RNGTT: variants seen among roughly 807,000 people sequenced by gnomAD.
RNGTT encodes the protein RNA guanylyltransferase and 5'-phosphatase.
Under a neutral mutation model 79.3 loss-of-function variants are expected in RNGTT, and 33 were observed. The observed-to-expected ratio is 0.42, with a 90% CI of 0.32 to 0.56. The LOEUF (loss-of-function observed/expected upper bound fraction) is 0.56, where lower values mean the gene tolerates loss of function less well. RNGTT is among the 20% of genes least tolerant of loss of function. RNGTT has a pLI of 0.17. For synonymous variants in RNGTT, 222 were observed against 235.9 expected (o/e 0.94, Z 0.54); for missense variants, 497 against 739.1 (o/e 0.67, Z 3.80).
chr6:88,735,499 C>A (rs1293842535), intron 13 of RNGTT, among the ~76,000 whole-genome samples: 1 of 140,346 alleles, frequency 7.1e-6, no homozygotes, highest in Non-Finnish European at 1.5e-5. Context: ...AAGTCAGTAA[C>A]AGAAAGACGC....
chr6:88,950,531 T>A (rs1175224752), intron 1 of RNGTT, among the ~76,000 whole-genome samples: 1 of 152,224 alleles, frequency 6.6e-6, no homozygotes, highest in Non-Finnish European at 1.5e-5. Flanking sequence ...TATTCATGAT[T>A]CATAGGAGAA....
rs77914880 is a variant in RNGTT, at chr6:88,908,507, G to A, written c.368-2067C>T. Reference sequence around the variant, plus strand: ...CAAAGCAGACACAGTGTTTGAAGAGGGAAGAAGCGACGTAGACTGCTTGGA... The same window carrying A: ...CAAAGCAGACACAGTGTTTGAAGAGAGAAGAAGCGACGTAGACTGCTTGGA... On this transcript the variant is annotated intron_variant, in intron 4 of 15. Transcript: ENST00000369485. 4.5e-3 allele frequency among the ~76,000 whole-genome samples: 681 copies of A among 152,252 alleles called. 9 individuals are homozygous for A. The highest frequency in any genetic ancestry group is 0.016 in the African/African-American group (654 of 41,528).
chr6:88,942,495 C>T (rs183710516), intron 1 of RNGTT, among the ~76,000 whole-genome samples: 19 of 152,098 alleles, frequency 1.2e-4, no homozygotes, highest in African/African-American at 4.6e-4. Flanking sequence ...CTCAGCCCCC[C>T]AGTAGCTGGG....
chr6:88,634,203 ACT>A (rs1385949183), intron 14 of RNGTT, among the ~76,000 whole-genome samples: 3 of 152,138 alleles, frequency 2.0e-5, no homozygotes, highest in Non-Finnish European at 2.9e-5. Flanking sequence ...ATAAATATTA[ACT>A]CTTCACATTT....
Position 88,963,554 on chromosome 6 carries a change from C to G in RNGTT, c.-145G>C. On this transcript the variant is annotated 5_prime_UTR_variant, in exon 1 of 16. Transcript: ENST00000369485. ...ATTCCAACCTCTCCGATCCGGGTAA[C>G]GTCAGGGGCGGCGCGCCACTTTCAT... is the stretch of plus-strand genomic sequence containing the variant. 1.4e-6 allele frequency: 1 copy of G among 701,652 alleles called. No homozygotes were observed. The highest frequency in any genetic ancestry group is 3.8e-5 in the Admixed American group (1 of 26,330). The allele number at this position is 701,652 out of a possible 1,614,324, so 43.5% of individuals were successfully genotyped here.
At chr6:88,811,549 C>T (rs989757334) in intron 11 of RNGTT, among the ~76,000 whole-genome samples, 1 of 151,964 alleles carries the variant, frequency 6.6e-6, no homozygotes, top group Non-Finnish European at 1.5e-5. Flanking sequence ...AAAGGCTTGA[C>T]ATTAGAAACA....
At chr6:88,765,796 G>A (rs1487159777) in intron 13 of RNGTT, among the ~76,000 whole-genome samples, 1 of 152,118 alleles carries the variant, frequency 6.6e-6, no homozygotes, top group Admixed American at 6.5e-5. Flanking sequence ...TAAGAGACTT[G>A]TTACAAAAAC....
intron 14 of RNGTT, among the ~76,000 whole-genome samples, chr6:88,675,205 T>C (rs986601771): frequency 9.9e-5 from 15 of 152,054 alleles, no homozygotes; most frequent in African/African-American, 3.6e-4. Flanking sequence ...TTGCCTTGAA[T>C]GCTAATATTT....
intron 8 of RNGTT, among the ~76,000 whole-genome samples, chr6:88,873,380 G>C (rs1782417499): frequency 6.6e-6 from 1 of 152,066 alleles, no homozygotes; most frequent in Non-Finnish European, 1.5e-5. Flanking sequence ...CATAAACCAA[G>C]AACAATTTGT....
chr6:88,649,741 G>A (rs143038878), intron 14 of RNGTT, among the ~76,000 whole-genome samples: 86 of 152,024 alleles, frequency 5.7e-4, no homozygotes, highest in Middle Eastern at 6.8e-3. Context: ...GAATGAATTT[G>A]TGCTAGAGTA....
At position 88,888,405 on chromosome 6, in the gene RNGTT, C is replaced by T. The variant is rs952087048; in HGVS notation, c.896+2090G>A. Among the ~76,000 whole-genome samples, 23 of 152,262 alleles carry T rather than the reference C, an allele frequency of 1.5e-4. 1 individual carries two copies. Among genetic ancestry groups the T allele is most frequent in the African/African-American group, 4.8e-4 (20 of 41,558 alleles). ...AGATTCTGAACATAATCTAACCCAA[C>T]ATATTAAATAAATATAATTTTAATA... On this transcript the variant is annotated intron_variant, in intron 8 of 15. Transcript: ENST00000369485.
intron 9 of RNGTT, among the ~76,000 whole-genome samples, chr6:88,852,451 C>T (rs1225539830): frequency 1.3e-5 from 2 of 151,916 alleles, no homozygotes; most frequent in African/African-American, 4.8e-5. Context: ...AACCAACTAC[C>T]AGAGCTGCCA....
At chr6:88,671,879 C>G (rs1217624245) in intron 14 of RNGTT, among the ~76,000 whole-genome samples, 1 of 152,054 alleles carries the variant, frequency 6.6e-6, no homozygotes, top group Non-Finnish European at 1.5e-5. Flanking sequence ...CCTAATTCAA[C>G]AAACAGTGCT....
chr6:88,782,145 G>A (rs1298380760), intron 12 of RNGTT, among the ~76,000 whole-genome samples: 1 of 151,888 alleles, frequency 6.6e-6, no homozygotes, highest in Non-Finnish European at 1.5e-5. Context: ...GGCTAACATC[G>A]ACTGAGTTTT....
intron 14 of RNGTT, among the ~76,000 whole-genome samples, chr6:88,667,042 G>T (rs1342984284): frequency 6.6e-6 from 1 of 152,178 alleles, no homozygotes; most frequent in Non-Finnish European, 1.5e-5. Context: ...TGGCAGTAAT[G>T]CATTGTAAAG....
At chr6:88,927,702 T>C (rs1172494666) in intron 4 of RNGTT, among the ~76,000 whole-genome samples, 2 of 147,576 alleles carry the variant, frequency 1.4e-5, no homozygotes, top group Non-Finnish European at 3.0e-5. Context: ...GGTGTGGTAG[T>C]GCATGCCTGT....
chr6:88,772,969 G>C (rs946195671), intron 12 of RNGTT, among the ~76,000 whole-genome samples: 6 of 150,652 alleles, frequency 4.0e-5, no homozygotes, highest in African/African-American at 1.5e-4. Flanking sequence ...CCCATTACTG[G>C]GTATATACCC....
chr6:88,946,671 T>C (rs981827365), intron 1 of RNGTT, among the ~76,000 whole-genome samples: 1 of 151,154 alleles, frequency 6.6e-6, no homozygotes, highest in South Asian at 2.1e-4. Flanking sequence ...TCTCCCTCCC[T>C]CTCCCTCTCC....
At position 88,778,021 on chromosome 6, in the gene RNGTT, T is replaced by C. The variant is rs994909348; in HGVS notation, c.1339-8147A>G. Among the ~76,000 whole-genome samples the C allele has an allele frequency of 2.0e-5, 3 of 152,342 alleles. No individual in the cohort carries two copies. The South Asian group carries it at 6.2e-4, about 32-fold the overall frequency. On this transcript the variant is annotated intron_variant, in intron 12 of 15. Coordinates refer to ENST00000369485, the MANE Select transcript of RNGTT (RefSeq NM_003800.5). ...CCAAAAGATGTTGAACTTTGCCAAA[T>C]GCTTTGTATGAATCTGTGGAGATGA...
Sources: gnomAD v4.1 joint callset for allele counts (sites outside exome capture counted in the v4.1 genomes callset) on GRCh38, gnomAD v4.1.1 for gene constraint, MANE v1.5 for transcripts, NCBI Gene and HGNC (gene_info 2026-07-23, HGNC 2026-07-21) for gene names.